HPSE2: variants seen among roughly 807,000 people sequenced by gnomAD.
The protein encoded by HPSE2 is heparanase 2 (inactive).
A neutral mutation model predicts 60.5 loss-of-function variants in HPSE2; 38 were observed. That is an observed-to-expected ratio of 0.63 (90% CI 0.48 to 0.82). The LOEUF is 0.82. Ranked by LOEUF, HPSE2 falls within the 40% of genes least tolerant of loss-of-function variation. The pLI is 0.00. For synonymous variants in HPSE2, 295 were observed against 293.2 expected (o/e 1.01, Z -0.06); for missense variants, 713 against 740.4 (o/e 0.96, Z 0.43).
intron 3 of HPSE2, among the ~76,000 whole-genome samples, chr10:99,094,180 T>C (rs1244058537): frequency 2.0e-5 from 3 of 151,988 alleles, no homozygotes; most frequent in Admixed American, 6.6e-5. Context: ...TTGGGGGCTT[T>C]TATTTTTGTT....
intron 6 of HPSE2, among the ~76,000 whole-genome samples, chr10:98,689,766 T>C (rs1240649413): frequency 6.6e-6 from 1 of 152,238 alleles, no homozygotes; most frequent in Non-Finnish European, 1.5e-5. Context: ...CTTCTTGTTC[T>C]TGTGAAGGCA....
Position 99,235,625 on chromosome 10 carries a change from G to T in HPSE2, c.178C>A (p.Leu60Met). ...TTGGTGCTCACATCAAGTAGAATCA[G>T]GGTCTTTTCCTTCAAACCTGCAGCT... ...DRAAGLKEKT[L>M]ILLDVSTKNP... Residue 60 changes from leucine to methionine, a missense_variant, in exon 1 of 12, where the codon CTG becomes ATG. By Grantham distance (15) the Leu-to-Met change is conservative (BLOSUM62 2). Transcript: ENST00000370552. The T allele has an allele frequency of 6.2e-7, 1 of 1,614,068 alleles. No individual in the cohort carries two copies. Among genetic ancestry groups the T allele is most frequent in the Non-Finnish European group, 8.5e-7 (1 of 1,180,022 alleles).
intron 3 of HPSE2, among the ~76,000 whole-genome samples, chr10:99,120,454 A>T (rs1292370310): frequency 1.3e-5 from 2 of 149,338 alleles, no homozygotes; most frequent in Admixed American, 1.4e-4. Context: ...TTATGTTTTG[A>T]CTTTTTAATA....
chr10:99,148,825 A>C (rs772468328), intron 2 of HPSE2, among the ~76,000 whole-genome samples: 19 of 147,600 alleles, frequency 1.3e-4, no homozygotes, highest in African/African-American at 3.3e-4. Context: ...ATCAATCAAT[A>C]AAATAGTTGA....
intron 3 of HPSE2, among the ~76,000 whole-genome samples, chr10:98,855,051 T>C (rs1478672599): frequency 2.0e-5 from 3 of 151,946 alleles, no homozygotes; most frequent in African/African-American, 4.8e-5. Flanking sequence ...AGTTAAAAAA[T>C]CTCAGGGCAA....
chr10:99,120,745 T>G (rs1313462810), intron 3 of HPSE2, among the ~76,000 whole-genome samples: 1 of 152,224 alleles, frequency 6.6e-6, no homozygotes, highest in Admixed American at 6.5e-5. Context: ...GTTCTGGGAT[T>G]ACAGGCATGA....
At chr10:99,069,674 A>G (rs1842725402) in intron 3 of HPSE2, among the ~76,000 whole-genome samples, 1 of 151,552 alleles carries the variant, frequency 6.6e-6, no homozygotes, top group South Asian at 2.1e-4. Context: ...TACGAAAAGT[A>G]TTTAGCTAAA....
chr10:98,622,907 AT>A (rs1946111191), intron 7 of HPSE2, among the ~76,000 whole-genome samples: 2 of 152,190 alleles, frequency 1.3e-5, no homozygotes, highest in South Asian at 4.1e-4. Flanking sequence ...GCCTTAAATA[AT>A]CAAAAGACAC....
intron 3 of HPSE2, among the ~76,000 whole-genome samples, chr10:99,131,426 AACTAG>A (rs1157221565): frequency 6.6e-6 from 1 of 152,190 alleles, no homozygotes; most frequent in Admixed American, 6.5e-5. Context: ...AAAAATACAG[AACTAG>A]ACTAAACGCT....
chr10:99,305,447 G>T, the HPSE2 span, among the ~76,000 whole-genome samples: 1 of 152,182 alleles, frequency 6.6e-6, no homozygotes, highest in African/African-American at 2.4e-5. Flanking sequence ...GCATAAACTG[G>T]ATTAAGGTGT....
At chr10:98,558,354 G>A (rs1944074292) in intron 9 of HPSE2, among the ~76,000 whole-genome samples, 1 of 152,124 alleles carries the variant, frequency 6.6e-6, no homozygotes, top group African/African-American at 2.4e-5. Context: ...TTAAAACACT[G>A]AAACTCTAAA....
chr10:98,800,210 A>G (rs1263289959), intron 3 of HPSE2, among the ~76,000 whole-genome samples: 1 of 151,718 alleles, frequency 6.6e-6, no homozygotes, highest in Non-Finnish European at 1.5e-5. Context: ...TCTACTAAAA[A>G]TACAAAATAC....
chr10:98,615,682 AG>A lies in HPSE2; in HGVS notation c.1206-665del, dbSNP rs1394331425. On this transcript the variant is annotated intron_variant, in intron 8 of 11. Transcript: ENST00000370552. ...CTACTATGCCAAACACCTATTTTCC[AG>A]GGCATGCCATCCTTCAAAAATACTG... Among the ~76,000 whole-genome samples the A allele has an allele frequency of 2.6e-5, 4 of 152,300 alleles. No homozygotes were observed. In the East Asian group the frequency reaches 7.7e-4, roughly 29 times the overall value.
rs1298822219 is a variant in HPSE2 at position 98,939,740 on chromosome 10, C to T, written c.611-195684G>A. On this transcript the variant is annotated intron_variant, in intron 3 of 11. Coordinates refer to ENST00000370552, the MANE Select transcript of HPSE2 (RefSeq NM_021828.5). ...CTCTGCACCAAGCAGACCTAATAGA[C>T]ATCCACAGAACTCTCCAACACAAAT... Among the ~76,000 whole-genome samples, 19 of 144,132 alleles carry T rather than the reference C, an allele frequency of 1.3e-4. 4 individuals carry two copies. Among genetic ancestry groups the T allele is most frequent in the African/African-American group, 5.3e-4 (19 of 35,560 alleles). 94.6% of individuals were successfully genotyped at this position (144,132 alleles called of 152,430 possible).
At chr10:98,533,836 G>T (rs973217977) in intron 9 of HPSE2, among the ~76,000 whole-genome samples, 1 of 152,182 alleles carries the variant, frequency 6.6e-6, no homozygotes, top group African/African-American at 2.4e-5. Flanking sequence ...TGCAGATGGA[G>T]AACATGCTGA....
intron 1 of HPSE2, among the ~76,000 whole-genome samples, chr10:99,232,778 C>G (rs1468402364): frequency 6.6e-6 from 1 of 152,246 alleles, no homozygotes; most frequent in Non-Finnish European, 1.5e-5. Flanking sequence ...CTCCTAAAGG[C>G]TACAGATAGT....
intron 3 of HPSE2, among the ~76,000 whole-genome samples, chr10:98,966,618 C>T (rs1955820788): frequency 1.3e-5 from 2 of 152,132 alleles, no homozygotes; most frequent in African/African-American, 2.4e-5. Flanking sequence ...CAACTAATGG[C>T]CACACCTCTA....
intron 3 of HPSE2, among the ~76,000 whole-genome samples, chr10:99,074,970 T>C (rs925486624): frequency 2.0e-5 from 3 of 152,160 alleles, no homozygotes; most frequent in East Asian, 3.8e-4. Flanking sequence ...TAAAGATTTG[T>C]TGATTTTGTT....
At chr10:99,295,984 G>A in the HPSE2 span, among the ~76,000 whole-genome samples, 2 of 152,192 alleles carry the variant, frequency 1.3e-5, no homozygotes, top group African/African-American at 4.8e-5. Flanking sequence ...CCTAAATCTA[G>A]CTTCTTTAGC....
Sources: allele counts gnomAD v4.1 joint callset (sites outside exome capture counted in the v4.1 genomes callset), GRCh38; gene constraint gnomAD v4.1.1; transcripts MANE v1.5; gene names NCBI Gene and HGNC (gene_info 2026-07-23, HGNC 2026-07-21).